Variants in C12orf54 observed in about 807,000 individuals in gnomAD.
C12orf54 encodes uncharacterized protein C12orf54.
Under a neutral mutation model 26.4 loss-of-function variants are expected in C12orf54, and 24 were observed. The ratio of observed to expected loss-of-function variants is 0.91; its 90% CI spans 0.66 to 1.28. C12orf54 has a LOEUF of 1.28. C12orf54 is among the 50% of genes most tolerant of loss of function. The probability of loss-of-function intolerance (pLI) is 0.00; values close to 1 mark genes in which losing one functional copy is unlikely to be tolerated. For synonymous variants in C12orf54, 54 were observed against 47.0 expected, an observed-to-expected ratio of 1.15 and a Z score of -0.61; for missense variants, 154 against 150.9, an observed-to-expected ratio of 1.02 and a Z score of -0.11.
chr12:48,486,828 T>C, intron 4 of C12orf54, 102 bp downstream of exon 4: 1 of 1,229,986 alleles, frequency 8.1e-7, no homozygotes, highest in Admixed American at 1.9e-5. Flanking sequence ...GAGCGGTTTG[T>C]TGATTGACGG....
At chr12:48,433,463 G>C in the C12orf54 span, among the ~76,000 whole-genome samples, 3 of 149,344 alleles carry the variant, frequency 2.0e-5, no homozygotes, top group African/African-American at 4.9e-5. Flanking sequence ...TTTGGGGGGG[G>C]GGGGGGCAGG....
At chr12:48,488,559 C>T (rs1937712022) in intron 4 of C12orf54, 1 of 387,048 alleles carries the variant, frequency 2.6e-6, no homozygotes. Flanking sequence ...ACACACCCTC[C>T]AACAAGCAAA....
At chr12:48,486,334 G>C (rs1164331594) in intron 3 of C12orf54, 126 bp downstream of exon 3, 1 of 972,458 alleles carries the variant, frequency 1.0e-6, no homozygotes, top group African/African-American at 1.6e-5. Context: ...GGGTGCCCTT[G>C]ACTGGCTGGT....
chr12:48,465,828 C>T, the C12orf54 span, among the ~76,000 whole-genome samples: 2 of 152,050 alleles, frequency 1.3e-5, no homozygotes, highest in Non-Finnish European at 2.9e-5. Context: ...AACCAAATTC[C>T]ACATGTTCTC....
the C12orf54 span, among the ~76,000 whole-genome samples, chr12:48,435,481 G>C: frequency 1.3e-5 from 2 of 152,192 alleles, no homozygotes; most frequent in African/African-American, 4.8e-5. Flanking sequence ...AAGTGGAAAT[G>C]AAGGAAAAAA....
the C12orf54 span, among the ~76,000 whole-genome samples, chr12:48,460,520 T>C: frequency 2.0e-5 from 3 of 152,140 alleles, no homozygotes; most frequent in African/African-American, 7.2e-5. Flanking sequence ...CCACACATGA[T>C]ACTTACAAAG....
At chr12:48,432,248 T>C in the C12orf54 span, among the ~76,000 whole-genome samples, 1 of 152,186 alleles carries the variant, frequency 6.6e-6, no homozygotes, top group African/African-American at 2.4e-5. Flanking sequence ...ATGTTTTTAT[T>C]GCATGCCTAT....
At chr12:48,495,086 C>T in intron 8 of C12orf54, 107 bp downstream of exon 8, 2 of 815,566 alleles carry the variant, frequency 2.5e-6, no homozygotes, top group Non-Finnish European at 3.8e-6. Context: ...GGCAGCACCC[C>T]ATGAAGCAGG....
chr12:48,483,361 G>T lies in C12orf54; in HGVS notation c.65G>T (p.Ser22Ile), dbSNP rs1293867825. 2 of 1,613,624 alleles carry T rather than the reference G, an allele frequency of 1.2e-6. No individual in the cohort carries two copies. The highest frequency in any genetic ancestry group is 1.7e-6 in the Non-Finnish European group (2 of 1,179,670). Residue 22 changes from serine to isoleucine, a missense_variant and splice_region_variant, in exon 2 of 9, where the codon AGC (serine) becomes ATC (isoleucine). By Grantham distance (142) the Ser-to-Ile change is moderately radical. Coordinates refer to ENST00000548364, the MANE Select transcript of C12orf54 (RefSeq NM_152319.4). ...KVEMTSKQQR[S>I]TSIEETMRPQ... ...GAAATGACCTCCAAGCAGCAGAGAA[G>T]GTAATGGGGCTAATGATGACCCTCA...
At chr12:48,462,774 G>A in the C12orf54 span, among the ~76,000 whole-genome samples, 1 of 151,700 alleles carries the variant, frequency 6.6e-6, no homozygotes, top group Non-Finnish European at 1.5e-5. Context: ...ATCTATAGAA[G>A]TATATCTATA....
At chr12:48,493,658 C>A (rs1450401801) in intron 7 of C12orf54, among the ~76,000 whole-genome samples, 3 of 78,826 alleles carry the variant, frequency 3.8e-5, no homozygotes, top group African/African-American at 1.5e-4. Flanking sequence ...GGATCCGGGA[C>A]TTAGAAGAAA....
the C12orf54 span, among the ~76,000 whole-genome samples, chr12:48,476,229 A>G: frequency 6.6e-6 from 1 of 152,240 alleles, no homozygotes; most frequent in Non-Finnish European, 1.5e-5. Context: ...CTGCCCTAAA[A>G]GAGCTCCTGA....
the C12orf54 span, among the ~76,000 whole-genome samples, chr12:48,454,870 C>T: frequency 1.3e-5 from 2 of 152,210 alleles, no homozygotes; most frequent in African/African-American, 4.8e-5. Flanking sequence ...TAGGACACTA[C>T]TGCTTCCTTG....
At chr12:48,457,989 G>A in the C12orf54 span, among the ~76,000 whole-genome samples, 1 of 152,198 alleles carries the variant, frequency 6.6e-6, no homozygotes, top group Non-Finnish European at 1.5e-5. Context: ...AGGAGTTTGA[G>A]GAAGCAGCTC....
At chr12:48,435,122 C>G in the C12orf54 span, among the ~76,000 whole-genome samples, 3 of 152,072 alleles carry the variant, frequency 2.0e-5, no homozygotes, top group East Asian at 5.8e-4. Flanking sequence ...ATGCACAAGC[C>G]TCAGTAACTG....
chr12:48,482,384 A>C (rs1195072786), upstream of C12orf54: 1 of 152,184 alleles, frequency 6.6e-6, no homozygotes, highest in Non-Finnish European at 1.5e-5. Context: ...TATCGTTTGG[A>C]TTGAATGGAG....
intron 4 of C12orf54, among the ~76,000 whole-genome samples, chr12:48,487,418 C>A (rs1249816663): frequency 1.3e-5 from 2 of 152,146 alleles, no homozygotes; most frequent in Non-Finnish European, 2.9e-5. Flanking sequence ...CCCCACTGTA[C>A]AATATTATTT....
At chr12:48,483,441 T>C in intron 2 of C12orf54, 80 bp downstream of exon 2, 4 of 1,360,384 alleles carry the variant, frequency 2.9e-6, no homozygotes, top group Non-Finnish European at 2.1e-6. Flanking sequence ...TCCTGTCTTC[T>C]ATGGCTCTTC....
At chr12:48,448,619 T>C in the C12orf54 span, among the ~76,000 whole-genome samples, 1 of 152,234 alleles carries the variant, frequency 6.6e-6, no homozygotes, top group Non-Finnish European at 1.5e-5. Context: ...CAAGCCCTTT[T>C]TCTCTCTCTT....
Sources: gnomAD v4.1 joint callset for allele counts (sites outside exome capture counted in the v4.1 genomes callset) on GRCh38, gnomAD v4.1.1 for gene constraint, MANE v1.5 for transcripts, NCBI Gene and HGNC (gene_info 2026-07-23, HGNC 2026-07-21) for gene names.